The following CWH43 variants were observed in gnomAD, a reference collection of about 807,000 sequenced individuals.
CWH43 encodes the protein PGAP2-interacting protein.
CWH43 carries 91 observed loss-of-function variants against 85.7 expected under a neutral mutation model. The observed-to-expected ratio is 1.06, with a 90% CI of 0.90 to 1.26. CWH43 has a LOEUF of 1.26. Among genes scored for constraint, CWH43 ranks in the 50% most tolerant of loss-of-function variants. The pLI is 0.00. For missense variants in CWH43, 869 were observed against 839.2 expected (o/e 1.04, Z -0.44); for synonymous variants, 323 against 293.6 (o/e 1.10, Z -1.02).
At chr4:49,027,217 A>G (rs979231998) in intron 9 of CWH43, among the ~76,000 whole-genome samples, 1 of 152,176 alleles carries the variant, frequency 6.6e-6, no homozygotes, top group African/African-American at 2.4e-5. Flanking sequence ...TTGGAGATAA[A>G]TGGATAGACT....
chr4:49,027,071 A>G (rs886211659), intron 9 of CWH43, among the ~76,000 whole-genome samples: 2 of 152,236 alleles, frequency 1.3e-5, no homozygotes. Context: ...GAAAAATGAT[A>G]TATGTCAATT....
In CWH43 at chr4:49,028,636, C is replaced by T; in HGVS notation, c.1274C>T (p.Thr425Ile). Reference sequence around the variant, plus strand: ...ATTAAAACAATTCCTCAGGCACCAACCAAAGAGGTCTCTGCTGCCATCTGG... The same window carrying T: ...ATTAAAACAATTCCTCAGGCACCAATCAAAGAGGTCTCTGCTGCCATCTGG... ...YERKLGKVAP[T>I]KEVSAAIWPF... Residue 425 changes from threonine (T) to isoleucine (I), a missense_variant, in exon 10 of 16, where the codon ACC becomes ATC. Around this residue, in one of 3 missense-constraint regions of CWH43, gnomAD observed 577 missense variants for 513.1 expected, o/e 1.12. Transcript: ENST00000226432. 3 of 1,612,684 alleles carry T rather than the reference C, an allele frequency of 1.9e-6. No individual in the cohort carries two copies. In the South Asian group the frequency reaches 3.3e-5, roughly 18 times the overall value.
At chr4:49,039,917 T>C (rs1784404074) in intron 13 of CWH43, among the ~76,000 whole-genome samples, 1 of 150,894 alleles carries the variant, frequency 6.6e-6, no homozygotes, top group Non-Finnish European at 1.5e-5. Context: ...CACAACAGTC[T>C]CCAGAGTGTG....
At chr4:49,030,796 C>G in intron 10 of CWH43, 29 bp from the exon 11 acceptor site, 1 of 1,538,414 alleles carries the variant, frequency 6.5e-7, no homozygotes, top group African/African-American at 1.4e-5. Context: ...TGATTCATCA[C>G]TGTATGCTAC....
At chr4:49,022,200 T>C (rs1211192355) in intron 9 of CWH43, among the ~76,000 whole-genome samples, 1 of 152,146 alleles carries the variant, frequency 6.6e-6, no homozygotes, top group African/African-American at 2.4e-5. Context: ...ATAAATGGCT[T>C]TTATTACCTT....
intron 12 of CWH43, among the ~76,000 whole-genome samples, chr4:49,035,522 T>C (rs1784237948): frequency 1.3e-5 from 2 of 152,226 alleles, no homozygotes; most frequent in Admixed American, 6.5e-5. Context: ...ACAGAACCTA[T>C]GTTCTAGATT....
At chr4:49,060,348 TG>T (rs974275852) in intron 15 of CWH43, among the ~76,000 whole-genome samples, 8 of 152,074 alleles carry the variant, frequency 5.3e-5, no homozygotes, top group African/African-American at 1.9e-4. Flanking sequence ...CTGGGGCTTT[TG>T]GGGGTGGCCC....
Position 49,061,847 on chromosome 4 carries a change from A to T in CWH43, c.2057A>T (p.Asn686Ile), listed in dbSNP as rs753132393. The T allele has an allele frequency of 1.5e-5, 21 of 1,399,726 alleles. No homozygotes were observed. The highest frequency in any genetic ancestry group is 2.0e-5 in the Non-Finnish European group (21 of 1,052,924). The allele number at this position is 1,399,726 out of a possible 1,614,324, so 86.7% of individuals were successfully genotyped here. A position where few individuals can be genotyped will look rare whatever the true frequency, so the allele number is the denominator to read the frequency against. Residue 686 changes from asparagine (N) to isoleucine (I), a missense_variant, in exon 16 of 16, where the codon AAC becomes ATC. Transcript: ENST00000226432. ...TACAAAGAAGGACACAATTATGAAA[A>T]CAACCATCATTTTCATATGAATACT... ...GSYKEGHNYE[N>I]NHHFHMNTPK...
chr4:49,007,449 C>T (rs1028462171), intron 8 of CWH43, 123 bp downstream of exon 8: 4 of 1,195,076 alleles, frequency 3.3e-6, no homozygotes, highest in Admixed American at 3.4e-5. Flanking sequence ...CAACATTTTG[C>T]CATGTTGTTA....
chr4:49,055,734 C>T (rs1175230549), intron 15 of CWH43, among the ~76,000 whole-genome samples: 11 of 151,804 alleles, frequency 7.2e-5, no homozygotes, highest in African/African-American at 1.9e-4. Context: ...CGATTATAGG[C>T]GCCTACCACC....
At chr4:48,990,125 GCCCAGTA>G (rs1782612898) in intron 2 of CWH43, among the ~76,000 whole-genome samples, 1 of 152,062 alleles carries the variant, frequency 6.6e-6, no homozygotes, top group Admixed American at 6.5e-5. Context: ...TCCATTTTTG[GCCCAGTA>G]ACTTCTGGTG....
At chr4:49,035,489 T>C (rs2109813118) in intron 12 of CWH43, among the ~76,000 whole-genome samples, 1 of 152,286 alleles carries the variant, frequency 6.6e-6, no homozygotes, top group East Asian at 1.9e-4. Flanking sequence ...GAACACAGAA[T>C]CCATAGTCTG....
At chr4:49,026,641 G>A (rs1783926700) in intron 9 of CWH43, among the ~76,000 whole-genome samples, 1 of 151,936 alleles carries the variant, frequency 6.6e-6, no homozygotes, top group African/African-American at 2.4e-5. Flanking sequence ...ACGATATTTG[G>A]TTTTCCATTC....
intron 8 of CWH43, 62 bp downstream of exon 8, chr4:49,007,388 TA>T: frequency 2.8e-6 from 4 of 1,428,534 alleles, no homozygotes; most frequent in Non-Finnish European, 3.7e-6. Flanking sequence ...CGTATGAAAT[TA>T]AAGAGTATAA....
chr4:49,033,406 C>T (rs1423053711), intron 12 of CWH43, among the ~76,000 whole-genome samples: 1 of 152,076 alleles, frequency 6.6e-6, no homozygotes, highest in African/African-American at 2.4e-5. Flanking sequence ...AAACTGACTC[C>T]CCCTAAATGG....
In CWH43 at chr4:49,030,847, GGA is replaced by G; in HGVS notation, c.1399_1400del (p.Ser467Ter). ...ETGADFITIL[E>X]SDASKPYMGN... ...CAGGTGCAGATTTCATAACAATTTTGGAGAGTGATGCTTCTAAGCCCTATATG... is the reference window on the plus strand; with the variant it reads ...CAGGTGCAGATTTCATAACAATTTTGGAGTGATGCTTCTAAGCCCTATATG... On this transcript the variant is annotated frameshift_variant, in exon 11 of 16. Coordinates refer to ENST00000226432, the MANE Select transcript of CWH43 (RefSeq NM_025087.3). LOFTEE classifies it high-confidence loss of function. 1 of 1,581,272 alleles carries G rather than the reference GGA, an allele frequency of 6.3e-7. No individual in the cohort carries two copies. Among genetic ancestry groups the G allele is most frequent in the Non-Finnish European group, 8.6e-7 (1 of 1,169,448 alleles).
chr4:48,996,035 C>T (rs1782799437), intron 5 of CWH43, among the ~76,000 whole-genome samples: 10 of 151,792 alleles, frequency 6.6e-5, no homozygotes, highest in Admixed American at 6.6e-4. Flanking sequence ...ACTTACCTTT[C>T]CAAATGCTTT....
chr4:49,045,655 T>A (rs1480174770), intron 14 of CWH43, among the ~76,000 whole-genome samples: 1 of 152,230 alleles, frequency 6.6e-6, no homozygotes, highest in Non-Finnish European at 1.5e-5. Flanking sequence ...TCCAGGCTTG[T>A]GTAAGTATGC....
intron 5 of CWH43, among the ~76,000 whole-genome samples, chr4:48,995,360 C>T (rs1456142192): frequency 2.6e-5 from 4 of 152,204 alleles, no homozygotes; most frequent in Non-Finnish European, 4.4e-5. Flanking sequence ...AGTCTGGAGT[C>T]AAGTGTTGGT....
Sources: gnomAD v4.1 joint callset for allele counts (sites outside exome capture counted in the v4.1 genomes callset) on GRCh38, gnomAD v4.1.1 for gene constraint, gnomAD v4.1.1 regional missense constraint, MANE v1.5 for transcripts, NCBI Gene and HGNC (gene_info 2026-07-23, HGNC 2026-07-21) for gene names.